Variants in CERS6 observed in about 807,000 individuals in gnomAD.
CERS6 encodes ceramide synthase 6.
A neutral mutation model predicts 56.8 loss-of-function variants in CERS6; 26 were observed. That is an observed-to-expected ratio of 0.46 (90% CI 0.34 to 0.63). CERS6 has a LOEUF of 0.63. Ranked by LOEUF, CERS6 falls within the 30% of genes least tolerant of loss-of-function variation. CERS6 has a pLI of 0.01. For missense variants in CERS6, 415 were observed against 467.5 expected, an observed-to-expected ratio of 0.89 and a Z score of 1.04; for synonymous variants, 164 against 173.3, an observed-to-expected ratio of 0.95 and a Z score of 0.42.
chr2:168,500,926 A>G (rs1402913603), intron 1 of CERS6, among the ~76,000 whole-genome samples: 1 of 152,246 alleles, frequency 6.6e-6, no homozygotes. Flanking sequence ...CCTAGCATAT[A>G]TAGAATTCCT....
intron 1 of CERS6, among the ~76,000 whole-genome samples, chr2:168,510,767 C>T (rs1694765174): frequency 6.6e-6 from 1 of 151,964 alleles, no homozygotes; most frequent in Non-Finnish European, 1.5e-5. Context: ...TCATCTTGGC[C>T]AACTTTTATT....
intron 8 of CERS6, among the ~76,000 whole-genome samples, chr2:168,764,868 A>G (rs535224128): frequency 6.6e-6 from 1 of 152,272 alleles, no homozygotes; most frequent in East Asian, 1.9e-4. Flanking sequence ...CAACAATTCC[A>G]CTTCTGGGTA....
chr2:168,611,140 G>A (rs1684179911), intron 3 of CERS6, among the ~76,000 whole-genome samples: 1 of 152,138 alleles, frequency 6.6e-6, no homozygotes, highest in Non-Finnish European at 1.5e-5. Flanking sequence ...TTAATCACCA[G>A]CATCTAAAAA....
intron 1 of CERS6, among the ~76,000 whole-genome samples, chr2:168,540,380 G>T (rs1054458466): frequency 1.3e-5 from 2 of 152,156 alleles, no homozygotes; most frequent in African/African-American, 4.8e-5. Context: ...ATGACTGAAG[G>T]CAAAGAAGAA....
intron 4 of CERS6, among the ~76,000 whole-genome samples, chr2:168,664,269 C>G (rs1032838693): frequency 6.6e-6 from 1 of 152,120 alleles, no homozygotes; most frequent in African/African-American, 2.4e-5. Context: ...GCAGGAGGCC[C>G]TTCCTTATCT....
intron 4 of CERS6, among the ~76,000 whole-genome samples, chr2:168,643,869 T>A (rs1358402822): frequency 6.6e-6 from 1 of 152,224 alleles, no homozygotes; most frequent in Admixed American, 6.5e-5. Flanking sequence ...CTGCAGTTTC[T>A]TTTGCCATAT....
chr2:168,760,221 A>G (rs1214830088), intron 8 of CERS6, among the ~76,000 whole-genome samples: 1 of 152,212 alleles, frequency 6.6e-6, no homozygotes, highest in Non-Finnish European at 1.5e-5. Flanking sequence ...ACAAGGTCCC[A>G]CAGTAGGCTG....
intron 3 of CERS6, among the ~76,000 whole-genome samples, chr2:168,585,948 C>T (rs1490257977): frequency 2.6e-5 from 4 of 152,144 alleles, no homozygotes; most frequent in East Asian, 3.8e-4. Flanking sequence ...CTGCAATATA[C>T]GTTATCTTGA....
At chr2:168,661,479 G>A (rs1001487119) in intron 4 of CERS6, among the ~76,000 whole-genome samples, 7 of 152,226 alleles carry the variant, frequency 4.6e-5, no homozygotes, top group South Asian at 2.1e-4. Flanking sequence ...TTTCATCTCC[G>A]ACAAAACCTT....
chr2:168,481,195 C>T (rs1329378418), intron 1 of CERS6, among the ~76,000 whole-genome samples: 2 of 152,180 alleles, frequency 1.3e-5, no homozygotes, highest in East Asian at 3.9e-4. Flanking sequence ...GTGGGCGGAT[C>T]ATGAAGTCAG....
intron 6 of CERS6, among the ~76,000 whole-genome samples, chr2:168,709,043 G>T (rs1319129552): frequency 6.6e-6 from 1 of 152,078 alleles, no homozygotes; most frequent in Non-Finnish European, 1.5e-5. Flanking sequence ...TCATTGTGAA[G>T]GGAGTTCCAT....
At chr2:168,662,127 C>CTT (rs71397658) in intron 4 of CERS6, among the ~76,000 whole-genome samples, 54,265 of 136,602 alleles carry the variant, frequency 0.4, 12,265 homozygotes, top group South Asian at 0.53. Flanking sequence ...AAGGCTGTCT[C>CTT]TTTTTTTTTT....
In CERS6 at chr2:168,773,948, GGTAGT is replaced by G. The variant is rs1276897071; in HGVS notation, c.*4290_*4294del. 5 of 152,308 alleles carry G rather than the reference GGTAGT, an allele frequency of 3.3e-5. No individual in the cohort carries two copies. Among genetic ancestry groups the G allele is most frequent in the African/African-American group, 7.2e-5 (3 of 41,568 alleles). 9.4% of individuals were successfully genotyped at this position (152,308 alleles called of 1,614,324 possible). On this transcript the variant is annotated 3_prime_UTR_variant, in exon 10 of 10. Transcript: ENST00000305747. ...GGAACCCCTCCAATAAATACTTAGA[GGTAGT>G]GTATCTGATGCTTGTTTTCGTGGAG...
intron 3 of CERS6, among the ~76,000 whole-genome samples, chr2:168,618,653 C>G (rs1684379013): frequency 6.6e-6 from 1 of 152,118 alleles, no homozygotes; most frequent in South Asian, 2.1e-4. Context: ...GAATAAAATA[C>G]TTAGGAATAT....
intron 1 of CERS6, among the ~76,000 whole-genome samples, chr2:168,463,622 T>C (rs1693817056): frequency 6.6e-6 from 1 of 152,154 alleles, no homozygotes; most frequent in African/African-American, 2.4e-5. Flanking sequence ...GGAAAAAATC[T>C]GGAGGCTGAG....
intron 8 of CERS6, among the ~76,000 whole-genome samples, chr2:168,750,490 A>G (rs1038736808): frequency 6.6e-6 from 1 of 152,134 alleles, no homozygotes; most frequent in Non-Finnish European, 1.5e-5. Flanking sequence ...TTCTTTACCA[A>G]AGTAAGATCA....
chr2:168,621,494 C>G (rs950181947), intron 3 of CERS6, among the ~76,000 whole-genome samples: 19 of 151,994 alleles, frequency 1.3e-4, no homozygotes, highest in Admixed American at 2.0e-4. Context: ...CTAGAAGTAA[C>G]GAGAGGTATT....
At chr2:168,474,131 T>TC (rs1334672454) in intron 1 of CERS6, among the ~76,000 whole-genome samples, 2 of 152,232 alleles carry the variant, frequency 1.3e-5, no homozygotes, top group Admixed American at 1.3e-4. Flanking sequence ...TTGTCTTTTT[T>TC]CCACGTAAGG....
rs61031993 is a variant in CERS6 at position 168,559,733 on chromosome 2, T to TTTTATATATATATATATATA, written c.277-1459_277-1458insTTTATATATATATATATATA. ...TGCTTGAGCTGCTTTTAGAAAGGTA[T>TTTTATATATATATATATATA]CATATATATATATATATATATTTCA... is the stretch of plus-strand genomic sequence containing the variant. On this transcript the variant is annotated intron_variant, in intron 2 of 9. Coordinates refer to ENST00000305747, the MANE Select transcript of CERS6 (RefSeq NM_203463.3). Among the ~76,000 whole-genome samples, 280 of 66,252 alleles carry TTTTATATATATATATATATA rather than the reference T, an allele frequency of 4.2e-3. 23 individuals are homozygous for TTTTATATATATATATATATA. Among genetic ancestry groups the TTTTATATATATATATATATA allele is most frequent in the African/African-American group, 9.8e-3 (198 of 20,184 alleles). The allele number at this position is 66,252 out of a possible 152,430, so 43.5% of individuals were successfully genotyped here. A position where few individuals can be genotyped will look rare whatever the true frequency, so the allele number is the denominator to read the frequency against.
Sources: allele counts gnomAD v4.1 joint callset (sites outside exome capture counted in the v4.1 genomes callset), GRCh38; gene constraint gnomAD v4.1.1; transcripts MANE v1.5; gene names NCBI Gene and HGNC (gene_info 2026-07-23, HGNC 2026-07-21).